The following CBFB variants were observed in gnomAD, a reference collection of about 807,000 sequenced individuals.
CBFB encodes core-binding factor subunit beta, also known as CBF-beta.
CBFB carries 9 observed loss-of-function variants against 30.4 expected under a neutral mutation model. The observed-to-expected ratio is 0.30, with a 90% confidence interval of 0.18 to 0.52. The LOEUF (loss-of-function observed/expected upper bound fraction) is 0.52, where lower values mean the gene tolerates loss of function less well. Among genes scored for constraint, CBFB ranks in the 20% least tolerant of loss-of-function variants. The pLI is 0.97. For synonymous variants in CBFB, 94 were observed against 84.0 expected, an observed-to-expected ratio of 1.12 and a Z score of -0.65; for missense variants, 170 against 244.0, an observed-to-expected ratio of 0.70 and a Z score of 2.02.
chr16:67,086,195 G>A lies in CBFB; in HGVS notation c.495+3887G>A, dbSNP rs575393849. 2.0e-4 allele frequency among the ~76,000 whole-genome samples: 31 copies of A among 152,188 alleles called. No homozygotes were observed. In the East Asian group the frequency reaches 3.9e-3, roughly 19 times the overall value. On this transcript the variant is annotated intron_variant, in intron 5 of 5. Transcript: ENST00000412916. The stretch of plus-strand genomic sequence containing the variant: ...ACTTCCACACCATGCCCTTTCTTTC[G>A]GTATCTGTAAAATTTAGAAGCTTTA...
chr16:67,096,470 T>C (rs1393266262), intron 5 of CBFB, among the ~76,000 whole-genome samples: 1 of 151,610 alleles, frequency 6.6e-6, no homozygotes, highest in Non-Finnish European at 1.5e-5. Context: ...AATATACATA[T>C]ATATATATGT....
chr16:67,088,401 A>G (rs896202732), intron 5 of CBFB, among the ~76,000 whole-genome samples: 1 of 152,194 alleles, frequency 6.6e-6, no homozygotes, highest in East Asian at 1.9e-4. Context: ...ACATTATTAC[A>G]GTTGATAAAA....
intron 2 of CBFB, among the ~76,000 whole-genome samples, chr16:67,032,570 G>T (rs188288298): frequency 2.6e-5 from 4 of 152,194 alleles, no homozygotes; most frequent in African/African-American, 9.6e-5. Context: ...AGGATCCTTA[G>T]CTCCTAGAGG....
chr16:67,036,135 G>GGTTTATCA (rs1360817971), intron 2 of CBFB, among the ~76,000 whole-genome samples: 1 of 152,122 alleles, frequency 6.6e-6, no homozygotes, highest in Non-Finnish European at 1.5e-5. Flanking sequence ...GCCAATGTAT[G>GGTTTATCA]GTTTATCAGA....
chr16:67,091,823 T>C (rs188782882), intron 5 of CBFB, among the ~76,000 whole-genome samples: 2 of 152,324 alleles, frequency 1.3e-5, no homozygotes, highest in Non-Finnish European at 1.5e-5. Flanking sequence ...GGTGGTTTGC[T>C]GCATCTATCA....
intron 2 of CBFB, chr16:67,030,014 C>T: frequency 2.2e-6 from 1 of 460,252 alleles, no homozygotes; most frequent in Non-Finnish European, 3.8e-6. Flanking sequence ...TGGGGCTCGC[C>T]GCGGTGGCGC....
intron 4 of CBFB, among the ~76,000 whole-genome samples, chr16:67,068,225 T>A (rs760866637): frequency 9.2e-5 from 14 of 152,110 alleles, no homozygotes; most frequent in Non-Finnish European, 2.1e-4. Context: ...ATGCTTATAA[T>A]CCCAGCATTT....
At chr16:67,031,443 G>A (rs1337855497) in intron 2 of CBFB, among the ~76,000 whole-genome samples, 2 of 152,206 alleles carry the variant, frequency 1.3e-5, no homozygotes, top group Non-Finnish European at 2.9e-5. Flanking sequence ...TATACCTGAC[G>A]ATAGAATTTC....
intron 3 of CBFB, among the ~76,000 whole-genome samples, chr16:67,050,209 T>C (rs1402975300): frequency 6.8e-6 from 1 of 147,910 alleles, no homozygotes; most frequent in Non-Finnish European, 1.5e-5. Flanking sequence ...ATGTTATATA[T>C]ATAATTTATA....
chr16:67,070,293 A>AC (rs1961183155), intron 4 of CBFB, among the ~76,000 whole-genome samples: 1 of 152,174 alleles, frequency 6.6e-6, no homozygotes, highest in Non-Finnish European at 1.5e-5. Flanking sequence ...AGTCCTAGCT[A>AC]CTTGGGAGGC....
At chr16:67,047,285 AAAAAT>A (rs1555535469) in intron 3 of CBFB, among the ~76,000 whole-genome samples, 1 of 152,240 alleles carries the variant, frequency 6.6e-6, no homozygotes, top group Non-Finnish European at 1.5e-5. Flanking sequence ...AACTATTTAA[AAAAAT>A]AAAACGTGCC....
chr16:67,031,664 C>G (rs369765115), intron 2 of CBFB, among the ~76,000 whole-genome samples: 1 of 152,146 alleles, frequency 6.6e-6, no homozygotes, highest in Admixed American at 6.6e-5. Context: ...GCACACACCA[C>G]CACGCCCGGC....
At chr16:67,076,421 T>C (rs543903210) in intron 4 of CBFB, among the ~76,000 whole-genome samples, 2 of 152,286 alleles carry the variant, frequency 1.3e-5, no homozygotes, top group South Asian at 2.1e-4. Flanking sequence ...TCACATGTTA[T>C]ATGAATCGAT....
intron 2 of CBFB, among the ~76,000 whole-genome samples, chr16:67,031,770 T>G (rs1377685311): frequency 6.6e-6 from 1 of 151,746 alleles, no homozygotes; most frequent in Non-Finnish European, 1.5e-5. Context: ...ACCTCGGCCT[T>G]CCAAAGTGCT....
intron 5 of CBFB, among the ~76,000 whole-genome samples, chr16:67,090,349 A>G (rs1029018279): frequency 6.6e-6 from 1 of 152,228 alleles, no homozygotes; most frequent in Admixed American, 6.5e-5. Flanking sequence ...AATGCTCTCC[A>G]TTGGCATCTG....
chr16:67,093,004 GGT>G (rs1961940934), intron 5 of CBFB, among the ~76,000 whole-genome samples: 1 of 151,976 alleles, frequency 6.6e-6, no homozygotes, highest in South Asian at 2.1e-4. Context: ...TGAGCCAAGT[GGT>G]GCAGTCTTAT....
chr16:67,082,648 C>A (rs1961598696), intron 5 of CBFB, among the ~76,000 whole-genome samples: 2 of 151,860 alleles, frequency 1.3e-5, no homozygotes, highest in African/African-American at 2.4e-5. Flanking sequence ...TAACAGATTG[C>A]ATATTTTTAG....
intron 3 of CBFB, among the ~76,000 whole-genome samples, chr16:67,048,871 A>C (rs908063368): frequency 5.9e-5 from 7 of 117,676 alleles, no homozygotes; most frequent in Non-Finnish European, 8.1e-5. Flanking sequence ...TCCAGACTGG[A>C]GTGCAATGGC....
In CBFB at chr16:67,029,379, G is replaced by A. The variant is rs1201245110; in HGVS notation, c.-29G>A. The A allele has an allele frequency of 1.3e-6, 2 of 1,481,972 alleles. No homozygotes were observed. Among genetic ancestry groups the A allele is most frequent in the Non-Finnish European group, 1.8e-6 (2 of 1,114,350 alleles). The allele number at this position is 1,481,972 out of a possible 1,614,324, so 91.8% of individuals were successfully genotyped here. On this transcript the variant is annotated 5_prime_UTR_variant, in exon 1 of 6. Transcript: ENST00000412916. ...GGTGCCCGCGCAAGCCCCGAGCGCG[G>A]CCGGCCGGCGCGGCCTCAGGGCGGG... is the stretch of plus-strand genomic sequence containing the variant.
Sources: gnomAD v4.1 joint callset for allele counts (sites outside exome capture counted in the v4.1 genomes callset) on GRCh38, gnomAD v4.1.1 for gene constraint, MANE v1.5 for transcripts, NCBI Gene and HGNC (gene_info 2026-07-23, HGNC 2026-07-21) for gene names.